Variants in UGT1A4 observed in about 807,000 individuals in gnomAD.
The protein encoded by UGT1A4 is UDP-glucuronosyltransferase 1A4.
In UGT1A4, 32 loss-of-function variants were observed where a neutral mutation model predicts 41.1. That is an observed-to-expected ratio of 0.78 (90% CI 0.59 to 1.05). The LOEUF (loss-of-function observed/expected upper bound fraction) is 1.05. Among genes scored for constraint, UGT1A4 ranks in the 50% least tolerant of loss-of-function variants. The pLI is 0.00. For synonymous variants in UGT1A4, 283 were observed against 265.1 expected (o/e 1.07, Z -0.66); for missense variants, 748 against 677.4 (o/e 1.10, Z -1.16).
chr2:233,755,135 T>C, intron 1 of UGT1A4: 2 of 1,315,650 alleles, frequency 1.5e-6, no homozygotes, highest in Non-Finnish European at 2.1e-6. Context: ...CCTGCTTGAA[T>C]CTTCTCACCG....
intron 1 of UGT1A4, among the ~76,000 whole-genome samples, chr2:233,733,262 T>A (rs11685892): frequency 0.53 from 80,164 of 151,964 alleles, 22,478 homozygotes; most frequent in African/African-American, 0.73. Flanking sequence ...AAACAGGGAC[T>A]ATTTGACTTC....
In UGT1A4 at chr2:233,743,176, T is replaced by C. The variant is rs28900375; in HGVS notation, c.867+23489T>C. 1,765 of 366,612 alleles carry C rather than the reference T, an allele frequency of 4.8e-3. 64 individuals are homozygous for C. The highest frequency in any genetic ancestry group is 0.035 in the African/African-American group (1,636 of 46,622). 22.7% of individuals were successfully genotyped at this position (366,612 alleles called of 1,614,324 possible). On this transcript the variant is annotated intron_variant, in intron 1 of 4. Coordinates refer to ENST00000373409, the MANE Select transcript of UGT1A4 (RefSeq NM_007120.3). The stretch of plus-strand genomic sequence containing the variant: ...TCCTCCAGATGTGCTTAAAGTCAAA[T>C]GTGGACTGGAATTACTTGGTGTCAA...
chr2:233,735,637 A>G (rs2078674460), intron 1 of UGT1A4, among the ~76,000 whole-genome samples: 1 of 152,170 alleles, frequency 6.6e-6, no homozygotes, highest in African/African-American at 2.4e-5. Context: ...ATGTTTTTGC[A>G]GTGGCTGGTA....
intron 1 of UGT1A4, among the ~76,000 whole-genome samples, chr2:233,739,362 G>T (rs1691069001): frequency 1.3e-5 from 2 of 152,136 alleles, no homozygotes; most frequent in South Asian, 2.1e-4. Context: ...AGATCCAATA[G>T]CTTGCACTGT....
intron 1 of UGT1A4, among the ~76,000 whole-genome samples, chr2:233,725,693 A>G (rs2077467209): frequency 1.3e-5 from 2 of 152,246 alleles, no homozygotes; most frequent in African/African-American, 2.4e-5. Flanking sequence ...CTCAATAGTC[A>G]TATGTAGTTA....
At chr2:233,738,596 A>G (rs545904932) in intron 1 of UGT1A4, among the ~76,000 whole-genome samples, 1 of 152,336 alleles carries the variant, frequency 6.6e-6, no homozygotes, top group East Asian at 1.9e-4. Flanking sequence ...CACTCTTGCT[A>G]AGCTTTAGCA....
rs1178808521 is a variant in UGT1A4, at chr2:233,725,276, A to AGAG, written c.867+5591_867+5593dup. ...AGGCAGAGGCAGAGGAGGCAGAGGC[A>AGAG]GAGGCAGAGGCAGAGGCAGAGGCAG... On this transcript the variant is annotated intron_variant, in intron 1 of 4. Transcript: ENST00000373409. Among the ~76,000 whole-genome samples the AGAG allele has an allele frequency of 5.2e-3, 248 of 47,428 alleles. 10 individuals carry two copies. The highest frequency in any genetic ancestry group is 6.8e-3 in the Non-Finnish European group (161 of 23,506). 31.1% of individuals were successfully genotyped at this position (47,428 alleles called of 152,430 possible).
At chr2:233,748,875 A>T (rs1329303581) in intron 1 of UGT1A4, among the ~76,000 whole-genome samples, 1 of 151,636 alleles carries the variant, frequency 6.6e-6, no homozygotes, top group Non-Finnish European at 1.5e-5. Flanking sequence ...GGGGACGGTG[A>T]TGAATGGACA....
At chr2:233,770,172 C>T (rs1423898703) in intron 4 of UGT1A4, 4 of 152,218 alleles carry the variant, frequency 2.6e-5, no homozygotes, top group African/African-American at 9.7e-5. Flanking sequence ...TCAATGAGCT[C>T]AACTTATTAA....
chr2:233,726,805 G>A (rs2077562832), intron 1 of UGT1A4, among the ~76,000 whole-genome samples: 1 of 152,144 alleles, frequency 6.6e-6, no homozygotes, highest in African/African-American at 2.4e-5. Flanking sequence ...AAGGCTTGGA[G>A]GTTTTCCTCT....
In UGT1A4 at chr2:233,755,048, C is replaced by T; in HGVS notation, c.868-11986C>T. ...AGGGCCTGCCGCCTGCGCAGCCGCC[C>T]TCCGCCCTCGCCTCGCCATAGCGGT... On this transcript the variant is annotated intron_variant, in intron 1 of 4. Transcript: ENST00000373409. 4 of 1,330,776 alleles carry T rather than the reference C, an allele frequency of 3.0e-6. No homozygotes were observed. In the South Asian group the frequency reaches 3.4e-5, roughly 11 times the overall value. The allele number at this position is 1,330,776 out of a possible 1,614,324, so 82.4% of individuals were successfully genotyped here.
At chr2:233,760,492 A>G in intron 1 of UGT1A4, 1 of 1,614,288 alleles carries the variant, frequency 6.2e-7, no homozygotes. Context: ...GTTGTACATC[A>G]GAGACGGAGC....
chr2:233,731,416 C>G (rs1172446293), intron 1 of UGT1A4, among the ~76,000 whole-genome samples: 1 of 151,828 alleles, frequency 6.6e-6, no homozygotes, highest in Admixed American at 6.6e-5. Flanking sequence ...GGTATTTTTC[C>G]TAATGCCATC....
At chr2:233,723,877 C>A (rs1300798569) in intron 1 of UGT1A4, among the ~76,000 whole-genome samples, 1 of 40,764 alleles carries the variant, frequency 2.5e-5, no homozygotes, top group East Asian at 4.6e-4. Flanking sequence ...GATCCCAAGG[C>A]AGAGGAATTT....
intron 1 of UGT1A4, among the ~76,000 whole-genome samples, chr2:233,732,853 A>C (rs1238557082): frequency 6.7e-6 from 1 of 149,098 alleles, no homozygotes; most frequent in Non-Finnish European, 1.5e-5. Context: ...TTGTGAAGTC[A>C]TTGGTAGCTT....
chr2:233,735,465 A>C (rs1036180168), intron 1 of UGT1A4, among the ~76,000 whole-genome samples: 1 of 151,962 alleles, frequency 6.6e-6, no homozygotes, highest in Admixed American at 6.6e-5. Context: ...TCTTTATCCA[A>C]TTTGCCAGTC....
intron 1 of UGT1A4, chr2:233,744,001 A>C (rs2125858946): frequency 2.5e-6 from 3 of 1,207,932 alleles, no homozygotes; most frequent in Admixed American, 2.6e-5. Context: ...GAGTGCTCGG[A>C]GACCTGGGCC....
At chr2:233,755,813 A>T (rs1317393692) in intron 1 of UGT1A4, 3 of 152,236 alleles carry the variant, frequency 2.0e-5, no homozygotes, top group African/African-American at 7.2e-5. Context: ...TTAAAACAGA[A>T]TTAAAAAGAC....
In UGT1A4 at chr2:233,733,915, C is replaced by T. The variant is rs114264669; in HGVS notation, c.867+14228C>T. On this transcript the variant is annotated intron_variant, in intron 1 of 4. Coordinates refer to ENST00000373409, the MANE Select transcript of UGT1A4 (RefSeq NM_007120.3). ...CTGTTTGTACCTCTCTGGTAGAATT[C>T]GGCTGTGAGGAAGGGGAACATCACA... is the stretch of plus-strand genomic sequence containing the variant. Among the ~76,000 whole-genome samples, 1,498 of 151,134 alleles carry T rather than the reference C, an allele frequency of 9.9e-3. 23 individuals are homozygous for T. The highest frequency in any genetic ancestry group is 0.035 in the African/African-American group (1,427 of 41,026).
Sources: allele counts gnomAD v4.1 joint callset (sites outside exome capture counted in the v4.1 genomes callset), GRCh38; gene constraint gnomAD v4.1.1; transcripts MANE v1.5; gene names NCBI Gene and HGNC (gene_info 2026-07-23, HGNC 2026-07-21).